Variants in CMTM4 observed in about 807,000 individuals in gnomAD.
The protein encoded by CMTM4 is CKLF like MARVEL transmembrane domain containing 4.
Under a neutral mutation model 19.0 loss-of-function variants are expected in CMTM4, and 8 were observed. That is an observed-to-expected ratio of 0.42 (90% CI 0.25 to 0.76). CMTM4 has a LOEUF of 0.76. CMTM4 is among the 30% of genes least tolerant of loss of function. CMTM4 has a pLI of 0.27. For missense variants in CMTM4, 228 were observed against 290.2 expected (o/e 0.79, Z 1.56); for synonymous variants, 106 against 121.1 (o/e 0.88, Z 0.82).
intron 1 of CMTM4, among the ~76,000 whole-genome samples, chr16:66,654,379 C>CA (rs2016361845): frequency 6.6e-6 from 1 of 152,180 alleles, no homozygotes; most frequent in Non-Finnish European, 1.5e-5. Context: ...CCTCCTGTCA[C>CA]ATGGCAGGTG....
rs1459530055 is a variant in CMTM4 at position 66,696,219 on chromosome 16, G to A, written c.186+121C>T. The A allele has an allele frequency of 3.1e-6, 2 of 644,602 alleles. No individual in the cohort carries two copies. Among genetic ancestry groups the A allele is most frequent in the Non-Finnish European group, 2.2e-6 (1 of 458,318 alleles). The allele number at this position is 644,602 out of a possible 1,614,324, so 39.9% of individuals were successfully genotyped here. On this transcript the variant is annotated intron_variant, in intron 1 of 3. Coordinates refer to ENST00000394106, the MANE Select transcript of CMTM4 (RefSeq NM_181521.3). The surrounding 1 kb of genome is among the most constrained non-coding windows in gnomAD (Gnocchi z 4.3). ...CCCGGGACCCCACGAGGGAGAGGGGGCGCGAGGAGCGGGCTCCGGCCTGGG... is the reference window on the plus strand; with the variant it reads ...CCCGGGACCCCACGAGGGAGAGGGGACGCGAGGAGCGGGCTCCGGCCTGGG...
At chr16:66,667,875 G>A (rs954346412) in intron 1 of CMTM4, among the ~76,000 whole-genome samples, 6 of 152,042 alleles carry the variant, frequency 3.9e-5, no homozygotes, top group African/African-American at 1.2e-4. Flanking sequence ...CTGATAGGGC[G>A]AGACTCTGTC....
At chr16:66,660,947 G>A (rs1039469465) in intron 1 of CMTM4, among the ~76,000 whole-genome samples, 5 of 152,116 alleles carry the variant, frequency 3.3e-5, no homozygotes, top group Non-Finnish European at 4.4e-5. Flanking sequence ...CTGGCTCCCT[G>A]CTCTATCCCT....
chr16:66,623,125 G>T (rs1567403532), intron 3 of CMTM4, among the ~76,000 whole-genome samples: 1 of 152,222 alleles, frequency 6.6e-6, no homozygotes, highest in Non-Finnish European at 1.5e-5. Context: ...GAACTTGAGA[G>T]CACATCTGTA....
chr16:66,609,745 T>C, the CMTM4 span: 1 of 1,578,272 alleles, frequency 6.3e-7, no homozygotes, highest in African/African-American at 1.4e-5. This position sits in a 1 kb window ranked among gnomAD's most constrained non-coding sequence, Gnocchi z 4.4. Flanking sequence ...TTTTCCCACT[T>C]CCGTTACTCA....
chr16:66,696,286 G>C lies in CMTM4; in HGVS notation c.186+54C>G. The C allele has an allele frequency of 8.3e-7, 1 of 1,211,752 alleles. No individual in the cohort carries two copies. Among genetic ancestry groups the C allele is most frequent in the Non-Finnish European group, 1.0e-6 (1 of 955,970 alleles). 75.1% of individuals were successfully genotyped at this position (1,211,752 alleles called of 1,614,324 possible). On this transcript the variant is annotated intron_variant, in intron 1 of 3. Transcript: ENST00000394106. The surrounding 1 kb of genome is among the most constrained non-coding windows in gnomAD (Gnocchi z 4.3). The stretch of plus-strand genomic sequence containing the variant: ...GGAGGCCCCGCAGCGGGGCGGGGAG[G>C]GAGGCGTGCGGCTAGGCCGCCCTCG...
the CMTM4 span, chr16:66,609,621 G>C: frequency 6.6e-7 from 1 of 1,515,242 alleles, no homozygotes; most frequent in Non-Finnish European, 8.9e-7. This position sits in a 1 kb window ranked among gnomAD's most constrained non-coding sequence, Gnocchi z 4.4. Flanking sequence ...TTCCCTGCTG[G>C]GGCCCCCCTG....
rs1868693 is a variant in CMTM4, at chr16:66,647,717, A to T, written c.187-11136T>A. Among the ~76,000 whole-genome samples, 572 of 151,070 alleles carry T rather than the reference A, an allele frequency of 3.8e-3. 3 individuals carry two copies. The highest frequency in any genetic ancestry group is 6.7e-3 in the African/African-American group (275 of 41,112). ...TCAAACTATTGTTCTTTCTTTTTTTAAAAAAAAATGAGTCTCACTATGTTG... is the reference window on the plus strand; with the variant it reads ...TCAAACTATTGTTCTTTCTTTTTTTTAAAAAAAATGAGTCTCACTATGTTG... On this transcript the variant is annotated intron_variant, in intron 1 of 3. Coordinates refer to ENST00000394106, the MANE Select transcript of CMTM4 (RefSeq NM_181521.3).
intron 1 of CMTM4, among the ~76,000 whole-genome samples, chr16:66,675,300 C>G (rs1404870194): frequency 5.3e-5 from 8 of 151,638 alleles, no homozygotes; most frequent in Non-Finnish European, 1.5e-5. Flanking sequence ...AGGCTGGTCT[C>G]AAACTCCTGA....
At chr16:66,647,404 CT>C (rs2016224914) in intron 1 of CMTM4, among the ~76,000 whole-genome samples, 1 of 151,510 alleles carries the variant, frequency 6.6e-6, no homozygotes, top group East Asian at 1.9e-4. Flanking sequence ...AGAAAGTTCT[CT>C]TTTTAGTCCA....
At chr16:66,638,601 G>A (rs1640905457) in intron 1 of CMTM4, among the ~76,000 whole-genome samples, 2 of 152,214 alleles carry the variant, frequency 1.3e-5, no homozygotes, top group Non-Finnish European at 2.9e-5. Flanking sequence ...GCTCATGCCT[G>A]TAATCCCAGC....
intron 1 of CMTM4, among the ~76,000 whole-genome samples, chr16:66,682,063 T>A (rs917322986): frequency 3.9e-5 from 6 of 152,198 alleles, no homozygotes; most frequent in African/African-American, 1.4e-4. Flanking sequence ...TGTACTTTTG[T>A]CTGCCCCACT....
At chr16:66,609,577 C>A in the CMTM4 span, 2 of 1,544,208 alleles carry the variant, frequency 1.3e-6, no homozygotes, top group Non-Finnish European at 1.8e-6. The surrounding 1 kb of genome is among the most constrained non-coding windows in gnomAD (Gnocchi z 4.4). Flanking sequence ...GCCCCTCTAG[C>A]CCCTCATTTA....
intron 1 of CMTM4, among the ~76,000 whole-genome samples, chr16:66,654,011 G>A (rs1460236890): frequency 2.0e-5 from 3 of 152,082 alleles, no homozygotes; most frequent in African/African-American, 7.3e-5. Context: ...AAAGTGCTGG[G>A]ATTAAAGGTG....
chr16:66,600,136 G>GTTTT, the CMTM4 span, among the ~76,000 whole-genome samples: 2 of 135,150 alleles, frequency 1.5e-5, no homozygotes, highest in African/African-American at 2.9e-5. Flanking sequence ...GTGTGTGTGT[G>GTTTT]TTTTTTTTTG....
chr16:66,620,576 A>T lies in CMTM4; in HGVS notation c.*1482T>A. On this transcript the variant is annotated 3_prime_UTR_variant, in exon 4 of 4. Transcript: ENST00000394106. ...CATAAGGTGACGCTTTCTTGCACAG[A>T]CCCCCCGCCGCCCCCTCGGAGTTAT... 1 of 983,836 alleles carries T rather than the reference A, an allele frequency of 1.0e-6. No homozygotes were observed. 60.9% of individuals were successfully genotyped at this position (983,836 alleles called of 1,614,324 possible).
intron 1 of CMTM4, among the ~76,000 whole-genome samples, chr16:66,638,955 G>A (rs1358731730): frequency 7.9e-5 from 12 of 151,410 alleles, no homozygotes; most frequent in Admixed American, 7.9e-4. Context: ...GTGAGATAAT[G>A]CACGTTACCT....
In CMTM4 at chr16:66,620,016, T is replaced by G; in HGVS notation, c.*2042A>C. The G allele has an allele frequency of 6.1e-6, 6 of 985,376 alleles. 1 individual carries two copies. Among genetic ancestry groups the G allele is most frequent in the Non-Finnish European group, 7.2e-6 (6 of 829,928 alleles). 61.0% of individuals were successfully genotyped at this position (985,376 alleles called of 1,614,324 possible). A position where few individuals can be genotyped will look rare whatever the true frequency, so the allele number is the denominator to read the frequency against. ...CCCCCTCTTTCACCAGATGATCAAG[T>G]GGTTTTACTGAAGTGAGCTGGGAAA... On this transcript the variant is annotated 3_prime_UTR_variant, in exon 4 of 4. Transcript: ENST00000394106.
rs573366659 is a variant in CMTM4 at position 66,619,569 on chromosome 16, G to A, written c.*2489C>T. ...GGTCATTTTAAGGCCCCCAGATATC[G>A]ATTGTCTTCTGTTTGCATATAGAGG... On this transcript the variant is annotated 3_prime_UTR_variant, in exon 4 of 4. Coordinates refer to ENST00000394106, the MANE Select transcript of CMTM4 (RefSeq NM_181521.3). 6.1e-6 allele frequency: 6 copies of A among 985,248 alleles called. No homozygotes were observed. Among genetic ancestry groups the A allele is most frequent in the Admixed American group, 6.1e-5 (1 of 16,264 alleles). The allele number at this position is 985,248 out of a possible 1,614,324, so 61.0% of individuals were successfully genotyped here. A position where few individuals can be genotyped will look rare whatever the true frequency, so the allele number is the denominator to read the frequency against.
Sources: allele counts gnomAD v4.1 joint callset (sites outside exome capture counted in the v4.1 genomes callset), GRCh38; gene constraint gnomAD v4.1.1; non-coding constraint Gnocchi (gnomAD v3.1); transcripts MANE v1.5; gene names NCBI Gene and HGNC (gene_info 2026-07-23, HGNC 2026-07-21).